The following NPHP4 variants were observed in gnomAD, a reference collection of about 807,000 sequenced individuals.
NPHP4 encodes the protein nephrocystin-4.
NPHP4 carries 151 observed loss-of-function variants against 155.8 expected under a neutral mutation model. The observed-to-expected ratio is 0.97, with a 90% CI of 0.85 to 1.11. NPHP4 has a LOEUF of 1.11. NPHP4 is among the 50% of genes least tolerant of loss of function. The pLI is 0.00. For missense variants in NPHP4, 1,956 were observed against 1,925.7 expected (o/e 1.02, Z -0.29); for synonymous variants, 845 against 816.8 (o/e 1.03, Z -0.59).
In NPHP4 at chr1:5,890,894, T is replaced by A. The variant is rs1044293014; in HGVS notation, c.2278A>T (p.Ile760Phe). 1 of 1,610,672 alleles carries A rather than the reference T, an allele frequency of 6.2e-7. No homozygotes were observed. Among genetic ancestry groups the A allele is most frequent in the Non-Finnish European group, 8.5e-7 (1 of 1,178,150 alleles). Residue 760 changes from isoleucine (I) to phenylalanine (F), a missense_variant, in exon 17 of 30, where the codon ATC (isoleucine) becomes TTC (phenylalanine). Coordinates refer to ENST00000378156, the MANE Select transcript of NPHP4 (RefSeq NM_015102.5). This position sits in a 1 kb window ranked among gnomAD's most constrained non-coding sequence, Gnocchi z 4.9. ...DVWDGDSLLLIGSAAVQMKHL... is the reference protein window; with the variant it reads ...DVWDGDSLLLFGSAAVQMKHL... The stretch of plus-strand genomic sequence containing the variant: ...TTCATCTGGACGGCAGCAGATCCGA[T>A]GAGCAGCAGGGAGTCTCCGTCCCAG...
chr1:5,965,945 C>T (rs778580682), intron 5 of NPHP4, among the ~76,000 whole-genome samples: 7 of 152,158 alleles, frequency 4.6e-5, no homozygotes, highest in Admixed American at 1.3e-4. Context: ...CAGCTGCGCA[C>T]GTGCACGCTT....
At chr1:5,912,758 G>A (rs1346445520) in intron 11 of NPHP4, among the ~76,000 whole-genome samples, 1 of 152,084 alleles carries the variant, frequency 6.6e-6, no homozygotes, top group African/African-American at 2.4e-5. Flanking sequence ...TAGTAACACA[G>A]TCAGCACAGA....
chr1:5,970,906 T>C (rs1652444581), intron 3 of NPHP4, among the ~76,000 whole-genome samples: 1 of 152,212 alleles, frequency 6.6e-6, no homozygotes, highest in South Asian at 2.1e-4. Context: ...GATGAAATAA[T>C]GACCACTTAC....
At position 5,892,477 on chromosome 1, in the gene NPHP4, A is replaced by G. The variant is rs1570283614; in HGVS notation, c.2144-1449T>C. 6.6e-6 allele frequency among the ~76,000 whole-genome samples: 1 copy of G among 152,248 alleles called. No individual in the cohort carries two copies. Among genetic ancestry groups the G allele is most frequent in the Non-Finnish European group, 1.5e-5 (1 of 67,998 alleles). On this transcript the variant is annotated intron_variant, in intron 16 of 29. Coordinates refer to ENST00000378156, the MANE Select transcript of NPHP4 (RefSeq NM_015102.5). The surrounding 1 kb of genome is among the most constrained non-coding windows in gnomAD (Gnocchi z 4.5). ...CAGTTCTCCCAGCACTACCCTGTGCAGGGCCTCCCACATGGTGGGGGCGCA... is the reference window on the plus strand; with the variant it reads ...CAGTTCTCCCAGCACTACCCTGTGCGGGGCCTCCCACATGGTGGGGGCGCA...
intron 3 of NPHP4, among the ~76,000 whole-genome samples, chr1:5,974,642 C>T (rs1367281930): frequency 6.6e-6 from 1 of 150,758 alleles, no homozygotes; most frequent in Non-Finnish European, 1.5e-5. Context: ...CTGGGGACTG[C>T]TCTCCTGCAT....
In NPHP4 at chr1:5,910,352, G is replaced by A. The variant is rs1350523711; in HGVS notation, c.1442-1139C>T. Among the ~76,000 whole-genome samples the A allele has an allele frequency of 2.0e-5, 3 of 151,992 alleles. No homozygotes were observed. Among genetic ancestry groups the A allele is most frequent in the African/African-American group, 7.3e-5 (3 of 41,364 alleles). On this transcript the variant is annotated intron_variant, in intron 11 of 29. Coordinates refer to ENST00000378156, the MANE Select transcript of NPHP4 (RefSeq NM_015102.5). The surrounding 1 kb of genome is among the most constrained non-coding windows in gnomAD (Gnocchi z 5.4). ...GCAGCAGACACTACCACTCCCCATC[G>A]GACTTCCAGGATAACCCAGACCTCC... is the stretch of plus-strand genomic sequence containing the variant.
intron 18 of NPHP4, among the ~76,000 whole-genome samples, chr1:5,883,647 C>G (rs904055701): frequency 2.6e-5 from 4 of 152,222 alleles, no homozygotes. Flanking sequence ...CCGGCACCTC[C>G]CTTCACTGTG....
intron 9 of NPHP4, among the ~76,000 whole-genome samples, chr1:5,945,769 T>C (rs367683439): frequency 6.6e-6 from 1 of 152,218 alleles, no homozygotes; most frequent in South Asian, 2.1e-4. Flanking sequence ...GATACAGAAG[T>C]ACCCCGATCT....
At chr1:5,949,306 G>A (rs984582159) in intron 7 of NPHP4, among the ~76,000 whole-genome samples, 1 of 141,498 alleles carries the variant, frequency 7.1e-6, no homozygotes, top group African/African-American at 2.6e-5. Context: ...TTTCAAGAAC[G>A]GGTAGGGAGC....
chr1:5,865,708 T>C (rs1452682654), intron 26 of NPHP4: 2 of 168,384 alleles, frequency 1.2e-5, no homozygotes, highest in Admixed American at 5.7e-5. Context: ...GAAGCCCCTG[T>C]TAGCATTTTA....
At position 5,969,232 on chromosome 1, in the gene NPHP4, G is replaced by A. The variant is rs763677727; in HGVS notation, c.307C>T (p.His103Tyr). The A allele has an allele frequency of 6.4e-7, 1 of 1,569,594 alleles. No homozygotes were observed. The highest frequency in any genetic ancestry group is 8.7e-7 in the Non-Finnish European group (1 of 1,151,412). ...TCCACCACAGCCACGATATGAGGGT[G>A]GTTTAGGGATGTGTGAAAATACAAG... is the stretch of plus-strand genomic sequence containing the variant. ...EPLYFHTSLNHPHIVAVVEVV... is the reference protein window; with the variant it reads ...EPLYFHTSLNYPHIVAVVEVV... The change falls in exon 4 of 30, where the codon CAC (histidine) becomes TAC (tyrosine). Residue 103 changes from histidine (H) to tyrosine (Y), a missense_variant. His to Tyr is a moderately conservative substitution (Grantham distance 83). Coordinates refer to ENST00000378156, the MANE Select transcript of NPHP4 (RefSeq NM_015102.5).
At chr1:5,941,068 T>TA (rs926435789) in intron 9 of NPHP4, among the ~76,000 whole-genome samples, 2 of 151,736 alleles carry the variant, frequency 1.3e-5, no homozygotes, top group African/African-American at 4.8e-5. Context: ...CCTCCAAAAT[T>TA]AAAACAGTAT....
chr1:5,888,166 C>T (rs552582432), intron 17 of NPHP4, among the ~76,000 whole-genome samples: 1 of 152,322 alleles, frequency 6.6e-6, no homozygotes, highest in Admixed American at 6.5e-5. Context: ...AGCAGGAAGC[C>T]TCAGACCCAG....
At chr1:5,965,587 T>A in intron 5 of NPHP4, among the ~76,000 whole-genome samples, 1 of 152,200 alleles carries the variant, frequency 6.6e-6, no homozygotes. Flanking sequence ...CCCAGTGGAC[T>A]GAAGGGACCT....
At chr1:5,915,815 C>A (rs1030810367) in intron 11 of NPHP4, among the ~76,000 whole-genome samples, 2 of 152,220 alleles carry the variant, frequency 1.3e-5, no homozygotes, top group African/African-American at 4.8e-5. Context: ...ACCACCTGCA[C>A]ACGAACTTCC....
rs971209407 is a variant in NPHP4 at position 5,883,287 on chromosome 1, T to C, written c.2486-3048A>G. Among the ~76,000 whole-genome samples the C allele has an allele frequency of 2.0e-5, 3 of 151,736 alleles. No individual in the cohort carries two copies. The South Asian group carries it at 6.2e-4, about 32-fold the overall frequency. ...ACTCCGGGCCACGCTGCCCTCCACA[T>C]GACGAGGAGAAAATGCCACCGATGT... On this transcript the variant is annotated intron_variant, in intron 18 of 29. Coordinates refer to ENST00000378156, the MANE Select transcript of NPHP4 (RefSeq NM_015102.5).
intron 13 of NPHP4, among the ~76,000 whole-genome samples, chr1:5,906,806 C>T (rs1398471342): frequency 6.6e-6 from 1 of 152,224 alleles, no homozygotes. Context: ...TATAGCCACA[C>T]CTTCCTTTTA....
chr1:5,953,262 C>T (rs1247395926), intron 6 of NPHP4, among the ~76,000 whole-genome samples: 5 of 152,172 alleles, frequency 3.3e-5, no homozygotes, highest in Non-Finnish European at 7.3e-5. Context: ...ACTACCATGA[C>T]GCCCAGCTAA....
chr1:5,890,885 C>A lies in NPHP4; in HGVS notation c.2287G>T (p.Ala763Ser). ...GCCGCTACCTTCATCTGGACGGCAG[C>A]AGATCCGATGAGCAGCAGGGAGTCT... is the stretch of plus-strand genomic sequence containing the variant. ...DGDSLLLIGSAAVQMKHLLRQ... is the reference protein window; with the variant it reads ...DGDSLLLIGSSAVQMKHLLRQ... Residue 763 changes from alanine (A) to serine (S), a missense_variant, in exon 17 of 30, where the codon GCT becomes TCT. Coordinates refer to ENST00000378156, the MANE Select transcript of NPHP4 (RefSeq NM_015102.5). This position sits in a 1 kb window ranked among gnomAD's most constrained non-coding sequence, Gnocchi z 4.9. 1 of 1,610,122 alleles carries A rather than the reference C, an allele frequency of 6.2e-7. No homozygotes were observed. Among genetic ancestry groups the A allele is most frequent in the Non-Finnish European group, 8.5e-7 (1 of 1,177,746 alleles).
Sources: allele counts gnomAD v4.1 joint callset (sites outside exome capture counted in the v4.1 genomes callset), GRCh38; gene constraint gnomAD v4.1.1; non-coding constraint Gnocchi (gnomAD v3.1); transcripts MANE v1.5; gene names NCBI Gene and HGNC (gene_info 2026-07-23, HGNC 2026-07-21).